Variants in FSD1L observed in about 807,000 individuals in gnomAD.
The protein encoded by FSD1L is fibronectin type III and SPRY domain containing 1 like.
A neutral mutation model predicts 71.6 loss-of-function variants in FSD1L; 45 were observed. The ratio of observed to expected loss-of-function variants is 0.63; its 90% confidence interval spans 0.49 to 0.81. FSD1L has a LOEUF of 0.81. Ranked by LOEUF, FSD1L falls within the 30% of genes least tolerant of loss-of-function variation. The pLI is 0.00. For missense variants in FSD1L, 561 were observed against 618.1 expected (o/e 0.91, Z 0.98); for synonymous variants, 197 against 207.2 (o/e 0.95, Z 0.42).
At chr9:105,495,072 CTT>C (rs1446574410) in intron 7 of FSD1L, among the ~76,000 whole-genome samples, 1 of 152,200 alleles carries the variant, frequency 6.6e-6, no homozygotes, top group South Asian at 2.1e-4. Flanking sequence ...TTACTGCTGT[CTT>C]TTTGTTCGTC....
intron 10 of FSD1L, among the ~76,000 whole-genome samples, chr9:105,516,920 A>T (rs1184195687): frequency 6.6e-6 from 1 of 152,204 alleles, no homozygotes; most frequent in African/African-American, 2.4e-5. Context: ...GGAAGCTAAG[A>T]ACCTTGAAAA....
chr9:105,525,515 A>G (rs948420540), intron 10 of FSD1L: 28 of 1,609,834 alleles, frequency 1.7e-5, no homozygotes, highest in African/African-American at 1.1e-4. Context: ...CCAATACCTC[A>G]AAAACCTCAG....
intron 7 of FSD1L, among the ~76,000 whole-genome samples, chr9:105,489,693 C>T (rs1832793251): frequency 6.6e-6 from 1 of 152,098 alleles, no homozygotes; most frequent in South Asian, 2.1e-4. Context: ...GTGTGATGTT[C>T]CCCTTCATGT....
chr9:105,489,119 A>C (rs2812312), intron 7 of FSD1L, among the ~76,000 whole-genome samples: 37,725 of 151,988 alleles, frequency 0.25, 5,146 homozygotes, highest in Non-Finnish European at 0.31. Context: ...AAACTAAGGA[A>C]AATGTGTTTA....
chr9:105,449,417 A>G (rs1158880292), intron 1 of FSD1L, among the ~76,000 whole-genome samples: 1 of 152,234 alleles, frequency 6.6e-6, no homozygotes, highest in African/African-American at 2.4e-5. Context: ...GTCTCTGCCT[A>G]AATTTGTAAA....
At position 105,549,407 on chromosome 9, in the gene FSD1L, C is replaced by G. The variant is rs1837176673; in HGVS notation, c.*2924C>G. 6.6e-6 allele frequency: 1 copy of G among 152,002 alleles called. No homozygotes were observed. 9.4% of individuals were successfully genotyped at this position (152,002 alleles called of 1,614,324 possible). ...TTAAATTTTGGTAAATATGTAGATA[C>G]CAAGCATTAATAACTAATGCACACA... On this transcript the variant is annotated 3_prime_UTR_variant, in exon 14 of 14. Coordinates refer to ENST00000481272, the MANE Select transcript of FSD1L (RefSeq NM_001145313.3).
rs567183538 is a variant in FSD1L at position 105,522,113 on chromosome 9, T to C, written c.1025+9177T>C. The C allele has an allele frequency of 3.3e-5, 54 of 1,613,872 alleles. No homozygotes were observed. In the African/African-American group the frequency reaches 6.8e-4, roughly 20 times the overall value. Reference sequence around the variant, plus strand: ...TGGCAGGTCGACTTGCAGGACCACTTTTCCAGACCCTTATAGTTGCCTGGA... The same window carrying C: ...TGGCAGGTCGACTTGCAGGACCACTCTTCCAGACCCTTATAGTTGCCTGGA... On this transcript the variant is annotated intron_variant, in intron 10 of 13. Coordinates refer to ENST00000481272, the MANE Select transcript of FSD1L (RefSeq NM_001145313.3).
intron 10 of FSD1L, chr9:105,521,018 C>A (rs1835115155): frequency 3.7e-6 from 6 of 1,611,994 alleles, no homozygotes; most frequent in South Asian, 3.3e-5. Flanking sequence ...TTTTTCCAAA[C>A]ATCTGTAAGG....
Position 105,546,683 on chromosome 9 carries a change from A to G in FSD1L, c.*200A>G, listed in dbSNP as rs1837026840. 2 of 370,402 alleles carry G rather than the reference A, an allele frequency of 5.4e-6. No individual in the cohort carries two copies. The highest frequency in any genetic ancestry group is 9.0e-5 in the Admixed American group (2 of 22,250). The allele number at this position is 370,402 out of a possible 1,614,324, so 22.9% of individuals were successfully genotyped here. ...AGTATCATAGAAGCAAGCAGATACC[A>G]AGCAAAAAACTGATGATTGAAGAGT... On this transcript the variant is annotated 3_prime_UTR_variant, in exon 14 of 14. Transcript: ENST00000481272.
intron 4 of FSD1L, among the ~76,000 whole-genome samples, 159 bp from the exon 5 acceptor site, chr9:105,471,745 T>TATATAA (rs1457490113): frequency 2.7e-5 from 4 of 147,046 alleles, no homozygotes; most frequent in Non-Finnish European, 4.5e-5. Context: ...TATATATATA[T>TATATAA]AACTTGATTA....
intron 9 of FSD1L, among the ~76,000 whole-genome samples, chr9:105,510,079 A>G (rs534742961): frequency 6.6e-6 from 1 of 152,212 alleles, no homozygotes; most frequent in Non-Finnish European, 1.5e-5. Flanking sequence ...AATTTCATAG[A>G]TACAGGAAAA....
intron 1 of FSD1L, 88 bp downstream of exon 1, chr9:105,448,323 G>A (rs748074924): frequency 3.3e-5 from 42 of 1,263,348 alleles, no homozygotes; most frequent in Middle Eastern, 2.5e-4. Context: ...GGCTGTGGGT[G>A]CGCGGGGTGG....
chr9:105,472,124 G>C (rs1215312519), intron 5 of FSD1L, 119 bp downstream of exon 5: 1 of 1,205,950 alleles, frequency 8.3e-7, no homozygotes, highest in African/African-American at 1.6e-5. Flanking sequence ...AAGCCTTGGG[G>C]TTTCTTGATA....
intron 5 of FSD1L, among the ~76,000 whole-genome samples, chr9:105,473,989 G>C (rs1242713276): frequency 6.6e-6 from 1 of 152,182 alleles, no homozygotes; most frequent in Non-Finnish European, 1.5e-5. Context: ...GCAGTTTATA[G>C]TACTGTTTAG....
intron 1 of FSD1L, among the ~76,000 whole-genome samples, chr9:105,457,671 G>C (rs1160968928): frequency 6.6e-6 from 1 of 152,258 alleles, no homozygotes; most frequent in Non-Finnish European, 1.5e-5. Context: ...GGCTGGGCTT[G>C]TTCTGCCCAC....
chr9:105,522,442 T>C, intron 10 of FSD1L: 8 of 1,613,690 alleles, frequency 5.0e-6, no homozygotes, highest in East Asian at 2.2e-5. Context: ...CAAGCCCCAA[T>C]GAGACAGAGG....
intron 10 of FSD1L, chr9:105,523,245 T>C: frequency 1.2e-6 from 2 of 1,608,500 alleles, no homozygotes; most frequent in Admixed American, 1.7e-5. Context: ...ACCTCTGTGC[T>C]CCAGGTCACA....
chr9:105,490,714 T>C (rs1345698635), intron 7 of FSD1L, among the ~76,000 whole-genome samples: 1,206 of 116,540 alleles, frequency 0.01, no homozygotes, highest in African/African-American at 0.012. Context: ...AGTTTCAGCT[T>C]TCTACATATG....
At chr9:105,528,905 A>C (rs979287553) in intron 10 of FSD1L, among the ~76,000 whole-genome samples, 44 of 152,248 alleles carry the variant, frequency 2.9e-4, no homozygotes, top group African/African-American at 1.1e-3. Context: ...TAATATCCAG[A>C]ATCTACAAAG....
Sources: gnomAD v4.1 joint callset for allele counts (sites outside exome capture counted in the v4.1 genomes callset) on GRCh38, gnomAD v4.1.1 for gene constraint, MANE v1.5 for transcripts, NCBI Gene and HGNC (gene_info 2026-07-23, HGNC 2026-07-21) for gene names.